BDKRB2: variants seen among roughly 807,000 people sequenced by gnomAD.
The protein encoded by BDKRB2 is B2 bradykinin receptor.
Under a neutral mutation model 4.0 loss-of-function variants are expected in BDKRB2, and 6 were observed. The ratio of observed to expected loss-of-function variants is 1.49; its 90% CI spans 0.81 to 2.93. The LOEUF (loss-of-function observed/expected upper bound fraction) is 2.93. BDKRB2 is among the 30% of genes most tolerant of loss of function. BDKRB2 has a pLI of 0.00. For synonymous variants in BDKRB2, 225 were observed against 215.3 expected, an observed-to-expected ratio of 1.05 and a Z score of -0.40; for missense variants, 478 against 520.1, an observed-to-expected ratio of 0.92 and a Z score of 0.79.
At chr14:96,217,439 A>G (rs1890451308) in intron 1 of BDKRB2, among the ~76,000 whole-genome samples, 1 of 152,266 alleles carries the variant, frequency 6.6e-6, no homozygotes, top group Non-Finnish European at 1.5e-5. Context: ...ACTGAGGCCC[A>G]AAGAGTGAAA....
intron 2 of BDKRB2, chr14:96,239,198 G>A (rs1257603992): frequency 4.1e-6 from 4 of 985,230 alleles, no homozygotes; most frequent in Non-Finnish European, 4.8e-6. Context: ...AATGAGTCCT[G>A]CCCTCTGGGT....
intron 1 of BDKRB2, among the ~76,000 whole-genome samples, chr14:96,217,904 C>T (rs1890463567): frequency 2.6e-5 from 4 of 152,132 alleles, no homozygotes. Context: ...CCACAATCAA[C>T]CCGGCTCTTT....
At chr14:96,239,137 G>C (rs1277320977) in intron 2 of BDKRB2, 1 of 985,332 alleles carries the variant, frequency 1.0e-6, no homozygotes, top group East Asian at 1.1e-4. Context: ...CTTCCAGAAA[G>C]AGCCCCTTTT....
chr14:96,239,349 G>A (rs75161296), intron 2 of BDKRB2: 31,173 of 984,376 alleles, frequency 0.032, 586 homozygotes, highest in East Asian at 0.13. Flanking sequence ...GCTCAGAGAG[G>A]TCAAGCATTT....
intron 1 of BDKRB2, among the ~76,000 whole-genome samples, chr14:96,223,594 G>A (rs1002337446): frequency 6.6e-6 from 1 of 152,110 alleles, no homozygotes; most frequent in Admixed American, 6.5e-5. Flanking sequence ...GAGGCACAAT[G>A]TGCTCTGTAT....
At chr14:96,230,918 G>T (rs1890804574) in intron 1 of BDKRB2, among the ~76,000 whole-genome samples, 2 of 151,648 alleles carry the variant, frequency 1.3e-5, no homozygotes, top group African/African-American at 4.9e-5. Context: ...ACCCAGCCTA[G>T]TTATTTATTT....
At chr14:96,239,874 G>A (rs2139799290) in intron 2 of BDKRB2, 2 of 985,548 alleles carry the variant, frequency 2.0e-6, no homozygotes, top group South Asian at 4.7e-5. Flanking sequence ...ACGGAAATAC[G>A]ATGCCACAGA....
At chr14:96,239,232 T>C (rs1488468407) in intron 2 of BDKRB2, 14 of 981,912 alleles carry the variant, frequency 1.4e-5, no homozygotes, top group Non-Finnish European at 1.7e-5. Context: ...TTTCAGTGTG[T>C]CTTCGCATCC....
chr14:96,231,461 G>T (rs545939782), intron 1 of BDKRB2, among the ~76,000 whole-genome samples: 1 of 152,292 alleles, frequency 6.6e-6, no homozygotes, highest in African/African-American at 2.4e-5. Context: ...TCTGGTTGTT[G>T]AGGCTCATAT....
intron 1 of BDKRB2, among the ~76,000 whole-genome samples, chr14:96,205,313 C>G (rs1227146818): frequency 6.6e-6 from 1 of 152,096 alleles, no homozygotes; most frequent in African/African-American, 2.4e-5. Context: ...GCAGCAGGGA[C>G]GGGTGCTGGG....
chr14:96,235,642 G>A (rs986553669), intron 1 of BDKRB2, among the ~76,000 whole-genome samples: 1 of 152,054 alleles, frequency 6.6e-6, no homozygotes, highest in Non-Finnish European at 1.5e-5. Context: ...TTTTGTTTTA[G>A]TGTGTTTGAA....
In BDKRB2 at chr14:96,242,148, G is replaced by A. The variant is rs924691506; in HGVS notation, c.*644G>A. The A allele has an allele frequency of 6.6e-6, 1 of 152,200 alleles. No homozygotes were observed. Among genetic ancestry groups the A allele is most frequent in the African/African-American group, 2.4e-5 (1 of 41,414 alleles). 9.4% of individuals were successfully genotyped at this position (152,200 alleles called of 1,614,324 possible). A position where few individuals can be genotyped will look rare whatever the true frequency, so the allele number is the denominator to read the frequency against. On this transcript the variant is annotated 3_prime_UTR_variant, in exon 3 of 3. Coordinates refer to ENST00000554311, the MANE Select transcript of BDKRB2 (RefSeq NM_001379692.1). ...CAGTATTGAGCACTGTAGGCAAGAG[G>A]GAAGAAAGAGAAGGAGCCATCTCCA...
In BDKRB2 at chr14:96,221,380, G is replaced by C. The variant is rs147093721; in HGVS notation, c.-39-15689G>C. 5.0e-3 allele frequency among the ~76,000 whole-genome samples: 755 copies of C among 152,280 alleles called. 10 individuals carry two copies. Among genetic ancestry groups the C allele is most frequent in the Non-Finnish European group, 6.2e-3 (425 of 68,030 alleles). ...CAGCTTCGTTGTCGTCATCAGCATTGTCCTGATGCTATTCATGGTGGGTGT... is the reference window on the plus strand; with the variant it reads ...CAGCTTCGTTGTCGTCATCAGCATTCTCCTGATGCTATTCATGGTGGGTGT... On this transcript the variant is annotated intron_variant, in intron 1 of 2. Coordinates refer to ENST00000554311, the MANE Select transcript of BDKRB2 (RefSeq NM_001379692.1).
At chr14:96,218,293 A>C (rs1187915493) in intron 1 of BDKRB2, among the ~76,000 whole-genome samples, 1 of 152,092 alleles carries the variant, frequency 6.6e-6, no homozygotes, top group African/African-American at 2.4e-5. Flanking sequence ...AGATTTTTCC[A>C]ACTTCTTTGG....
chr14:96,231,117 G>A (rs1056399938), intron 1 of BDKRB2, among the ~76,000 whole-genome samples: 3 of 152,126 alleles, frequency 2.0e-5, no homozygotes, highest in Non-Finnish European at 2.9e-5. Context: ...ATAAGTTCCG[G>A]GGTATCCAAG....
At chr14:96,230,755 T>G (rs1274702433) in intron 1 of BDKRB2, among the ~76,000 whole-genome samples, 2 of 152,146 alleles carry the variant, frequency 1.3e-5, no homozygotes, top group East Asian at 3.8e-4. Context: ...TAGCTGGGAT[T>G]ATAGGCACCC....
At chr14:96,229,409 G>A (rs1441151486) in intron 1 of BDKRB2, among the ~76,000 whole-genome samples, 1 of 152,102 alleles carries the variant, frequency 6.6e-6, no homozygotes, top group Non-Finnish European at 1.5e-5. Context: ...CTCAGCCTTG[G>A]ACCGAAGCTC....
At chr14:96,233,095 G>A (rs1045393441) in intron 1 of BDKRB2, among the ~76,000 whole-genome samples, 4 of 152,096 alleles carry the variant, frequency 2.6e-5, no homozygotes, top group African/African-American at 4.8e-5. Flanking sequence ...GGTGCGATAC[G>A]GCTCACTGCA....
intron 1 of BDKRB2, among the ~76,000 whole-genome samples, chr14:96,211,299 G>A (rs973581064): frequency 4.6e-5 from 7 of 152,198 alleles, no homozygotes; most frequent in African/African-American, 9.6e-5. Context: ...GGGTTCTCCC[G>A]GAGCCTCGGA....
Sources: gnomAD v4.1 joint callset for allele counts (sites outside exome capture counted in the v4.1 genomes callset) on GRCh38, gnomAD v4.1.1 for gene constraint, MANE v1.5 for transcripts, NCBI Gene and HGNC (gene_info 2026-07-23, HGNC 2026-07-21) for gene names.